Variants in GTF3C1 observed in about 807,000 individuals in gnomAD.
GTF3C1 encodes general transcription factor 3C polypeptide 1.
A neutral mutation model predicts 226.7 loss-of-function variants in GTF3C1; 57 were observed. The observed-to-expected ratio is 0.25, with a 90% CI of 0.20 to 0.31. GTF3C1 has a LOEUF of 0.31. Among genes scored for constraint, GTF3C1 ranks in the 10% least tolerant of loss-of-function variants. The probability of loss-of-function intolerance (pLI) is 1.00; values close to 1 mark genes in which losing one functional copy is unlikely to be tolerated. For synonymous variants in GTF3C1, 1,090 were observed against 1,084.8 expected, an observed-to-expected ratio of 1.00 and a Z score of -0.09; for missense variants, 2,217 against 2,776.1, an observed-to-expected ratio of 0.80 and a Z score of 4.53.
At chr16:27,495,530 C>A (rs1360731664) in intron 14 of GTF3C1, 38 bp from the exon 15 acceptor site, 4 of 1,579,602 alleles carry the variant, frequency 2.5e-6, no homozygotes, top group Admixed American at 1.8e-5. Context: ...CTTGAAAAAT[C>A]CCATACTGAA....
rs751823762 is a variant in GTF3C1, at chr16:27,488,422, A to G, written c.3512-7T>C. ...ATATTCAACCTGCTGTTGCCTAGAC[A>G]TAATCACAGGAGACAACAGTTTCAG... On this transcript the variant is annotated splice_polypyrimidine_tract_variant and splice_region_variant and intron_variant, in intron 22 of 36. Transcript: ENST00000356183. The G allele has an allele frequency of 1.2e-6, 2 of 1,604,930 alleles. No homozygotes were observed. Among genetic ancestry groups the G allele is most frequent in the South Asian group, 1.1e-5 (1 of 90,864 alleles).
chr16:27,513,544 ATC>A (rs2088609743), intron 6 of GTF3C1, among the ~76,000 whole-genome samples: 1 of 152,286 alleles, frequency 6.6e-6, no homozygotes, highest in East Asian at 1.9e-4. Flanking sequence ...ACACTGTTAG[ATC>A]TGAAGACAGA....
chr16:27,501,957 G>C (rs1456141627), intron 11 of GTF3C1, among the ~76,000 whole-genome samples: 1 of 152,024 alleles, frequency 6.6e-6, no homozygotes, highest in African/African-American at 2.4e-5. Flanking sequence ...ACAAAAATTA[G>C]CCAGGTGGGT....
rs1466139610 is a variant in GTF3C1, at chr16:27,549,791, G to A, written c.100C>T (p.Pro34Ser). The A allele has an allele frequency of 6.2e-7, 1 of 1,612,906 alleles. No homozygotes were observed. The change falls in exon 1 of 37, where the codon CCC (proline) becomes TCC (serine). Residue 34 changes from proline to serine, a missense_variant. Coordinates refer to ENST00000356183, the MANE Select transcript of GTF3C1 (RefSeq NM_001520.4). ...CAGGGTTCCAAAGGCAGCGGGAAGG[G>A]CGGCACTCGCGTCTCCAGCCGGCTC... ...LWSRLETRVPPFPLPLEPCTQ... is the reference protein window; with the variant it reads ...LWSRLETRVPSFPLPLEPCTQ...
intron 27 of GTF3C1, among the ~76,000 whole-genome samples, chr16:27,480,078 G>A (rs1321818344): frequency 6.6e-6 from 1 of 151,918 alleles, no homozygotes; most frequent in Non-Finnish European, 1.5e-5. Context: ...GCGGGCGCCT[G>A]TAGTCCCAGC....
chr16:27,494,079 A>T (rs1432095417), intron 16 of GTF3C1, among the ~76,000 whole-genome samples: 1 of 152,180 alleles, frequency 6.6e-6, no homozygotes, highest in Admixed American at 6.5e-5. Context: ...TTTCTATTTT[A>T]TCTTTCTCTA....
Position 27,506,063 on chromosome 16 carries a change from G to C in GTF3C1, c.1606C>G (p.Pro536Ala). 1 of 1,613,886 alleles carries C rather than the reference G, an allele frequency of 6.2e-7. No homozygotes were observed. The highest frequency in any genetic ancestry group is 1.1e-5 in the South Asian group (1 of 91,082). ...CAGGCTCTCTCTTCAGCAGCTCCTG[G>C]GAAGGAGGGCGGCTGCTTTTTCAAT... ...HPLKKQPPSF[P>A]GAAEERACQS... Residue 536 changes from proline (P) to alanine (A), a missense_variant, in exon 10 of 37, where the codon CCA becomes GCA. Around this residue, in one of 12 missense-constraint regions of GTF3C1, gnomAD observed 173 missense variants for 207.2 expected, o/e 0.83. Coordinates refer to ENST00000356183, the MANE Select transcript of GTF3C1 (RefSeq NM_001520.4).
chr16:27,516,026 C>G (rs2088653110), intron 6 of GTF3C1, among the ~76,000 whole-genome samples: 1 of 152,216 alleles, frequency 6.6e-6, no homozygotes, highest in Non-Finnish European at 1.5e-5. Flanking sequence ...AGGCTGCCAG[C>G]CTGCAGTGGA....
At chr16:27,518,705 G>T (rs2088700044) in intron 6 of GTF3C1, among the ~76,000 whole-genome samples, 1 of 152,198 alleles carries the variant, frequency 6.6e-6, no homozygotes, top group African/African-American at 2.4e-5. Context: ...CCCTACAAAA[G>T]GTTGTGTGTG....
In GTF3C1 at chr16:27,464,696, G is replaced by A; in HGVS notation, c.5496C>T (p.Pro1832=). Residue 1832 remains proline, a synonymous_variant, in exon 34 of 37, where the codon CCC becomes CCT. Transcript: ENST00000356183. ...REDADIQRED[P]QARPLEGSSS... ...AAGACCCCTCCAGGGGTCTGGCCTGGGGGTCTTCTCTCTGGATGTCGGCGT... is the reference window on the plus strand; with the variant it reads ...AAGACCCCTCCAGGGGTCTGGCCTGAGGGTCTTCTCTCTGGATGTCGGCGT... 1.9e-6 allele frequency: 3 copies of A among 1,598,218 alleles called. No homozygotes were observed. Among genetic ancestry groups the A allele is most frequent in the Non-Finnish European group, 2.5e-6 (3 of 1,176,976 alleles).
intron 1 of GTF3C1, among the ~76,000 whole-genome samples, chr16:27,549,454 C>G (rs535645072): frequency 6.6e-6 from 1 of 152,332 alleles, no homozygotes; most frequent in South Asian, 2.1e-4. Flanking sequence ...CGGGACATCA[C>G]TAGATTCTCC....
In GTF3C1 at chr16:27,464,804, G is replaced by A. The variant is rs547765738; in HGVS notation, c.5388C>T (p.Val1796=). ...ALLEQHQVLE[V]GGNTARLVAM... is the part of the protein sequence containing the mutation. ...CTACCAGGCGCGCAGTGTTGCCACC[G>A]ACCTCCAGCACCTGATGCTGCTCCA... The change falls in exon 34 of 37, where the codon GTC becomes GTT. Residue 1796 remains valine, a synonymous_variant. Transcript: ENST00000356183. The A allele has an allele frequency of 8.5e-6, 13 of 1,525,428 alleles. No individual in the cohort carries two copies. The South Asian group carries it at 8.9e-5, about 10-fold the overall frequency. The allele number at this position is 1,525,428 out of a possible 1,614,324, so 94.5% of individuals were successfully genotyped here. A position where few individuals can be genotyped will look rare whatever the true frequency, so the allele number is the denominator to read the frequency against.
chr16:27,479,174 T>C (rs1303903982), intron 27 of GTF3C1, among the ~76,000 whole-genome samples: 1 of 152,220 alleles, frequency 6.6e-6, no homozygotes, highest in Admixed American at 6.5e-5. Flanking sequence ...CTTGACTTCA[T>C]CCTTCCTCAA....
chr16:27,490,823 C>A (rs934390861), intron 19 of GTF3C1, among the ~76,000 whole-genome samples: 2 of 152,170 alleles, frequency 1.3e-5, no homozygotes, highest in African/African-American at 2.4e-5. Flanking sequence ...CGCTTTTCCC[C>A]TCATCCTGGG....
Position 27,486,048 on chromosome 16 carries a change from C to G in GTF3C1, c.3807G>C (p.Glu1269Asp). Residue 1269 changes from glutamate to aspartate, a missense_variant, in exon 24 of 37, where the codon GAG becomes GAC. By Grantham distance (45) the Glu-to-Asp change is conservative. Coordinates refer to ENST00000356183, the MANE Select transcript of GTF3C1 (RefSeq NM_001520.4). Reference sequence around the variant, plus strand: ...TGCGGCACAGCACAAGCAGCCCATCCTCCTGCATAGACCAGGTGACACGAA... The same window carrying G: ...TGCGGCACAGCACAAGCAGCCCATCGTCCTGCATAGACCAGGTGACACGAA... ...TRLRVTWSMQ[E>D]DGLLVLCRIA... The G allele has an allele frequency of 6.2e-7, 1 of 1,612,492 alleles. No homozygotes were observed. The highest frequency in any genetic ancestry group is 8.5e-7 in the Non-Finnish European group (1 of 1,178,688).
At chr16:27,510,364 C>T (rs143444020) in intron 7 of GTF3C1, among the ~76,000 whole-genome samples, 207 of 151,262 alleles carry the variant, frequency 1.4e-3, no homozygotes, top group African/African-American at 4.1e-3. Flanking sequence ...CGAGCATGGG[C>T]GACACAGCGA....
intron 11 of GTF3C1, among the ~76,000 whole-genome samples, chr16:27,501,848 A>T (rs2088409267): frequency 6.6e-6 from 1 of 152,182 alleles, no homozygotes; most frequent in South Asian, 2.1e-4. Context: ...CATGCCTATA[A>T]TACCAGCACT....
At chr16:27,549,532 A>G in intron 1 of GTF3C1, 138 bp downstream of exon 1, 1 of 620,806 alleles carries the variant, frequency 1.6e-6, no homozygotes, top group Non-Finnish European at 2.8e-6. Context: ...GATTAGCCTT[A>G]CCGCCGTGCC....
At chr16:27,481,802 C>G (rs1358533753) in intron 26 of GTF3C1, among the ~76,000 whole-genome samples, 1 of 152,208 alleles carries the variant, frequency 6.6e-6, no homozygotes, top group Non-Finnish European at 1.5e-5. Context: ...CCCACGGCTC[C>G]CTCTCCCCTC....
Sources: gnomAD v4.1 joint callset for allele counts (sites outside exome capture counted in the v4.1 genomes callset) on GRCh38, gnomAD v4.1.1 for gene constraint, gnomAD v4.1.1 regional missense constraint, MANE v1.5 for transcripts, NCBI Gene and HGNC (gene_info 2026-07-23, HGNC 2026-07-21) for gene names.